The following NSUN2 variants were observed in gnomAD, a reference collection of about 807,000 sequenced individuals.
NSUN2 encodes the protein RNA cytosine C(5)-methyltransferase NSUN2.
Under a neutral mutation model 92.7 loss-of-function variants are expected in NSUN2, and 63 were observed. The ratio of observed to expected loss-of-function variants is 0.68; its 90% CI spans 0.56 to 0.84. NSUN2 has a LOEUF of 0.84. NSUN2 is among the 40% of genes least tolerant of loss of function. NSUN2 has a pLI of 0.00. For synonymous variants in NSUN2, 356 were observed against 348.3 expected (o/e 1.02, Z -0.25); for missense variants, 989 against 964.9 (o/e 1.02, Z -0.33).
intron 3 of NSUN2, among the ~76,000 whole-genome samples, chr5:6,628,727 G>T (rs1458472501): frequency 6.6e-6 from 1 of 152,188 alleles, no homozygotes; most frequent in Non-Finnish European, 1.5e-5. Flanking sequence ...ATAAATAAAT[G>T]TTTAGAGAAT....
chr5:6,619,974 G>A lies in NSUN2; in HGVS notation c.815+132C>T. On this transcript the variant is annotated intron_variant, in intron 7 of 18. Transcript: ENST00000264670. ...TCTACGTGTCCATCTTTTGGTTTAGGCTCACGCTATCTTTCTCCGCACCCC... is the reference window on the plus strand; with the variant it reads ...TCTACGTGTCCATCTTTTGGTTTAGACTCACGCTATCTTTCTCCGCACCCC... The A allele has an allele frequency of 1.0e-5, 7 of 670,768 alleles. No homozygotes were observed. In the South Asian group the frequency reaches 2.0e-4, roughly 19 times the overall value. The allele number at this position is 670,768 out of a possible 1,614,324, so 41.6% of individuals were successfully genotyped here.
At chr5:6,632,465 A>G (rs1737959420) in intron 2 of NSUN2, 134 bp downstream of exon 2, 5 of 1,017,870 alleles carry the variant, frequency 4.9e-6, no homozygotes, top group African/African-American at 4.8e-5. Context: ...TCCCCACCTC[A>G]ATGCTTCCTG....
At position 6,600,930 on chromosome 5, in the gene NSUN2, T is replaced by TGTCC. The variant is rs776006224; in HGVS notation, c.1998-702_1998-699dup. ...GCCTCCCTACCTTCCAGGCTCCACC[T>TGTCC]GTCCAGCCAGGAGGCATCGACGCCC... On this transcript the variant is annotated intron_variant, in intron 18 of 18. Coordinates refer to ENST00000264670, the MANE Select transcript of NSUN2 (RefSeq NM_017755.6). Among the ~76,000 whole-genome samples, 237 of 152,222 alleles carry TGTCC rather than the reference T, an allele frequency of 1.6e-3. 1 individual carries two copies. The highest frequency in any genetic ancestry group is 2.7e-3 in the Non-Finnish European group (184 of 68,020).
At chr5:6,622,881 G>C (rs1263231772) in intron 5 of NSUN2, among the ~76,000 whole-genome samples, 2 of 149,458 alleles carry the variant, frequency 1.3e-5, no homozygotes, top group African/African-American at 2.5e-5. Flanking sequence ...AAAGAGCACA[G>C]AGTAATGCTT....
chr5:6,630,285 A>T (rs1473019098), intron 3 of NSUN2, among the ~76,000 whole-genome samples: 2 of 152,174 alleles, frequency 1.3e-5, no homozygotes, highest in African/African-American at 4.8e-5. Flanking sequence ...AGCTTTTAAA[A>T]ATCTAAGATG....
chr5:6,601,161 CT>C (rs1317522570), intron 18 of NSUN2, among the ~76,000 whole-genome samples: 2 of 49,858 alleles, frequency 4.0e-5, no homozygotes, highest in Non-Finnish European at 8.2e-5. Flanking sequence ...CTCCCATCTT[CT>C]TAAAAAAAAA....
chr5:6,632,499 G>A (rs1579385628), intron 2 of NSUN2, 100 bp downstream of exon 2: 11 of 1,376,884 alleles, frequency 8.0e-6, no homozygotes, highest in East Asian at 4.6e-5. Flanking sequence ...GAAACGCCAC[G>A]GTTCTCTGGC....
chr5:6,631,377 C>A (rs116474185), intron 3 of NSUN2, among the ~76,000 whole-genome samples: 1,980 of 152,260 alleles, frequency 0.013, 46 homozygotes, highest in African/African-American at 0.045. Flanking sequence ...AGTAGTAGCA[C>A]GCTTGGGTGC....
Position 6,633,029 on chromosome 5 carries a change from A to G in NSUN2, c.-50T>C, listed in dbSNP as rs1738006436. The G allele has an allele frequency of 5.0e-6, 7 of 1,404,998 alleles. No homozygotes were observed. The African/African-American group carries it at 7.6e-5, about 15-fold the overall frequency. The allele number at this position is 1,404,998 out of a possible 1,614,324, so 87.0% of individuals were successfully genotyped here. A position where few individuals can be genotyped will look rare whatever the true frequency, so the allele number is the denominator to read the frequency against. ...ACGCAGAAACCGGCCCGCCACGGCC[A>G]GAACTCTAGCCCTACACCTCCCGGG... On this transcript the variant is annotated 5_prime_UTR_variant, in exon 1 of 19. Coordinates refer to ENST00000264670, the MANE Select transcript of NSUN2 (RefSeq NM_017755.6).
chr5:6,632,503 C>G, intron 2 of NSUN2, 96 bp downstream of exon 2: 1 of 1,419,234 alleles, frequency 7.0e-7, no homozygotes, highest in South Asian at 1.3e-5. Flanking sequence ...CGCCACGGTT[C>G]TCTGGCACTG....
rs202084323 is a variant in NSUN2 at position 6,622,144 on chromosome 5, A to T, written c.538-44T>A. On this transcript the variant is annotated intron_variant, in intron 5 of 18. Transcript: ENST00000264670. ...ACTGTTTCATGTTTTTAAAAAACCA[A>T]ATATTCTACATTTAATTTAAAGCAA... 59 of 1,436,702 alleles carry T rather than the reference A, an allele frequency of 4.1e-5. No homozygotes were observed. In the African/African-American group the frequency reaches 7.9e-4, roughly 19 times the overall value. The allele number at this position is 1,436,702 out of a possible 1,614,324, so 89.0% of individuals were successfully genotyped here. A position where few individuals can be genotyped will look rare whatever the true frequency, so the allele number is the denominator to read the frequency against.
chr5:6,607,671 C>T (rs868271262), intron 12 of NSUN2, among the ~76,000 whole-genome samples: 4 of 152,284 alleles, frequency 2.6e-5, no homozygotes, highest in Middle Eastern at 3.4e-3. Flanking sequence ...AGCTTGTTCT[C>T]GTGTAAAAAT....
At position 6,611,749 on chromosome 5, in the gene NSUN2, C is replaced by A; in HGVS notation, c.1071G>T (p.Trp357Cys). 1 of 1,614,156 alleles carries A rather than the reference C, an allele frequency of 6.2e-7. No individual in the cohort carries two copies. The highest frequency in any genetic ancestry group is 8.5e-7 in the Non-Finnish European group (1 of 1,180,018). ...DVSNELPGLKWMPGITQWKVM... is the reference protein window; with the variant it reads ...DVSNELPGLKCMPGITQWKVM... ...CCTTCCACTGTGTGATTCCAGGCAT[C>A]CACTTCAGCCCTGGCAGTTCATTAG... The change falls in exon 10 of 19, where the codon TGG (tryptophan) becomes TGT (cysteine). Residue 357 changes from tryptophan (W) to cysteine (C), a missense_variant. Coordinates refer to ENST00000264670, the MANE Select transcript of NSUN2 (RefSeq NM_017755.6).
In NSUN2 at chr5:6,604,601, T is replaced by C. The variant is rs1736685253; in HGVS notation, c.1818+4A>G. ...CTGCTGTTCAAATCCACTTCCAAAA[T>C]TACCTCCTGTGCCAGCCGGAAAGCA... On this transcript the variant is annotated splice_donor_region_variant and intron_variant, in intron 16 of 18. Transcript: ENST00000264670. The C allele has an allele frequency of 4.3e-6, 7 of 1,613,792 alleles. No homozygotes were observed. The South Asian group carries it at 6.6e-5, about 15-fold the overall frequency.
intron 18 of NSUN2, among the ~76,000 whole-genome samples, chr5:6,600,546 G>A (rs571905879): frequency 6.6e-6 from 1 of 152,098 alleles, no homozygotes; most frequent in South Asian, 2.1e-4. Flanking sequence ...TTAACTTACT[G>A]TCCCCGCCAC....
Position 6,605,387 on chromosome 5 carries a change from A to C in NSUN2, c.1623T>G (p.Pro541=), listed in dbSNP as rs1181266965. 3 of 1,614,152 alleles carry C rather than the reference A, an allele frequency of 1.9e-6. No individual in the cohort carries two copies. The highest frequency in any genetic ancestry group is 2.2e-5 in the East Asian group (1 of 44,884). ...TTAACAAATTCATCCTTGGGAATGAAGGATCCAAAGCATAAAATTTCCTGT... is the reference window on the plus strand; with the variant it reads ...TTAACAAATTCATCCTTGGGAATGACGGATCCAAAGCATAAAATTTCCTGT... ...PPIEKFYALD[P]SFPRMNLLTR... is the part of the protein sequence containing the mutation. The change falls in exon 15 of 19, where the codon CCT becomes CCG. Residue 541 remains proline (P), a synonymous_variant. Transcript: ENST00000264670.
rs1251521890 is a variant in NSUN2, at chr5:6,612,663, G to A, written c.1022-865C>T. Among the ~76,000 whole-genome samples the A allele has an allele frequency of 2.0e-5, 3 of 152,206 alleles. No homozygotes were observed. In the East Asian group the frequency reaches 5.8e-4, roughly 29 times the overall value. ...AAAGAATCTCCAAGGTGGAGGAATGGCAGTAAGAAACCTTTGAAGCAAGCA... is the reference window on the plus strand; with the variant it reads ...AAAGAATCTCCAAGGTGGAGGAATGACAGTAAGAAACCTTTGAAGCAAGCA... On this transcript the variant is annotated intron_variant, in intron 9 of 18. Coordinates refer to ENST00000264670, the MANE Select transcript of NSUN2 (RefSeq NM_017755.6).
chr5:6,628,368 C>T (rs545074728), intron 3 of NSUN2, among the ~76,000 whole-genome samples: 32 of 152,078 alleles, frequency 2.1e-4, no homozygotes, highest in African/African-American at 7.2e-4. Context: ...GTAAACAGCA[C>T]ATAAATAGAA....
intron 9 of NSUN2, among the ~76,000 whole-genome samples, chr5:6,613,956 G>A (rs1737102109): frequency 1.3e-5 from 2 of 151,976 alleles, no homozygotes; most frequent in African/African-American, 4.8e-5. Flanking sequence ...AATTGGCTGG[G>A]CGTGGTGGCA....
Sources: gnomAD v4.1 joint callset for allele counts (sites outside exome capture counted in the v4.1 genomes callset) on GRCh38, gnomAD v4.1.1 for gene constraint, MANE v1.5 for transcripts, NCBI Gene and HGNC (gene_info 2026-07-23, HGNC 2026-07-21) for gene names.